Variants in EIPR1 observed in about 807,000 individuals in gnomAD.
The protein encoded by EIPR1 is EARP complex and GARP complex interacting protein 1, also known as EARP and GARP complex-interacting protein 1.
EIPR1 carries 25 observed loss-of-function variants against 48.1 expected under a neutral mutation model. The ratio of observed to expected loss-of-function variants is 0.52; its 90% CI spans 0.38 to 0.73. The LOEUF (loss-of-function observed/expected upper bound fraction) is 0.73. Among genes scored for constraint, EIPR1 ranks in the 30% least tolerant of loss-of-function variants. EIPR1 has a pLI of 0.00. For synonymous variants in EIPR1, 204 were observed against 201.9 expected (o/e 1.01, Z -0.09); for missense variants, 415 against 506.2 (o/e 0.82, Z 1.73).
intron 3 of EIPR1, among the ~76,000 whole-genome samples, chr2:3,328,248 A>G (rs2103335233): frequency 6.6e-6 from 1 of 152,304 alleles, no homozygotes; most frequent in Non-Finnish European, 1.5e-5. Flanking sequence ...ATCCCTCTCT[A>G]AGGACCATTT....
At chr2:3,317,832 C>T (rs1369800323) in intron 3 of EIPR1, among the ~76,000 whole-genome samples, 2 of 152,164 alleles carry the variant, frequency 1.3e-5, no homozygotes, top group East Asian at 1.9e-4. Context: ...GAGAAGGGAC[C>T]GATGGCAGGC....
intron 4 of EIPR1, among the ~76,000 whole-genome samples, chr2:3,234,990 C>G (rs573499448): frequency 7.9e-5 from 12 of 152,366 alleles, no homozygotes; most frequent in African/African-American, 2.9e-4. Context: ...AAGAAAATAG[C>G]TTTCTCTTTC....
chr2:3,210,560 C>T (rs376204157), intron 5 of EIPR1, among the ~76,000 whole-genome samples: 2 of 151,604 alleles, frequency 1.3e-5, no homozygotes, highest in African/African-American at 2.4e-5. Flanking sequence ...GCAGGCGAGT[C>T]GAGGAGGTCC....
At chr2:3,295,031 C>A (rs1398332604) in intron 3 of EIPR1, among the ~76,000 whole-genome samples, 1 of 138,042 alleles carries the variant, frequency 7.2e-6, no homozygotes, top group African/African-American at 2.7e-5. Context: ...TCTCTGCACA[C>A]ATACACCCTC....
At chr2:3,215,299 C>G (rs1231566113) in intron 4 of EIPR1, among the ~76,000 whole-genome samples, 1 of 152,166 alleles carries the variant, frequency 6.6e-6, no homozygotes, top group African/African-American at 2.4e-5. Flanking sequence ...GTAGCAATCT[C>G]CTTAGGCACT....
At chr2:3,277,725 C>T (rs983135527) in intron 3 of EIPR1, among the ~76,000 whole-genome samples, 13 of 152,358 alleles carry the variant, frequency 8.5e-5, no homozygotes, top group Non-Finnish European at 1.3e-4. Flanking sequence ...TGCAGTCGGC[C>T]GTATCTCAGC....
intron 1 of EIPR1, among the ~76,000 whole-genome samples, chr2:3,358,010 G>A (rs1458220197): frequency 6.6e-6 from 1 of 152,116 alleles, no homozygotes; most frequent in African/African-American, 2.4e-5. Flanking sequence ...CTACGTTTAT[G>A]GGAATTTGTT....
rs897803196 is a variant in EIPR1, at chr2:3,216,001, C to T, written c.417-1753G>A. Among the ~76,000 whole-genome samples the T allele has an allele frequency of 1.4e-4, 22 of 152,332 alleles. No homozygotes were observed. The South Asian group carries it at 4.6e-3, about 32-fold the overall frequency. On this transcript the variant is annotated intron_variant, in intron 4 of 8. Transcript: ENST00000382125. ...TAAAGCTAGGATGCTGAAAAACCTG[C>T]TCCAAAACCCACTGCTCCTGTCCAG...
In EIPR1 at chr2:3,342,009, A is replaced by T. The variant is rs547635797; in HGVS notation, c.127-3860T>A. ...TAAGTGATGGCAACCAATACAGGGA[A>T]TTCTATGATAGAATTGATCCGGATT... On this transcript the variant is annotated intron_variant, in intron 2 of 8. Transcript: ENST00000382125. 1.2e-4 allele frequency among the ~76,000 whole-genome samples: 18 copies of T among 152,288 alleles called. 1 individual carries two copies. The South Asian group carries it at 3.3e-3, about 28-fold the overall frequency.
intron 3 of EIPR1, among the ~76,000 whole-genome samples, chr2:3,299,126 G>A (rs1668685207): frequency 6.6e-6 from 1 of 152,344 alleles, no homozygotes; most frequent in Non-Finnish European, 1.5e-5. Flanking sequence ...GAGATGACCA[G>A]GGTGAGTTCT....
chr2:3,373,981 C>T (rs1659785213), intron 1 of EIPR1, among the ~76,000 whole-genome samples: 1 of 148,178 alleles, frequency 6.7e-6, no homozygotes, highest in Admixed American at 6.8e-5. Context: ...TCAAACTATA[C>T]TACAAGGCTA....
intron 5 of EIPR1, among the ~76,000 whole-genome samples, chr2:3,206,199 T>G (rs1356244134): frequency 1.3e-5 from 2 of 152,130 alleles, no homozygotes; most frequent in Admixed American, 1.3e-4. Flanking sequence ...GCTCTTGTGG[T>G]GGGATACCTG....
At chr2:3,191,911 T>C (rs1166581388) in intron 8 of EIPR1, among the ~76,000 whole-genome samples, 1 of 152,080 alleles carries the variant, frequency 6.6e-6, no homozygotes, top group Non-Finnish European at 1.5e-5. Context: ...TATCTAGAAG[T>C]GAAGTAGGAC....
chr2:3,368,564 C>T (rs916811063), intron 1 of EIPR1, among the ~76,000 whole-genome samples: 3 of 152,234 alleles, frequency 2.0e-5, no homozygotes, highest in African/African-American at 7.2e-5. Context: ...CTGTTCCCAT[C>T]ACAAGGCAAG....
At chr2:3,322,992 C>G (rs970128781) in intron 3 of EIPR1, among the ~76,000 whole-genome samples, 2 of 152,166 alleles carry the variant, frequency 1.3e-5, no homozygotes. Context: ...CGAAAAGCGA[C>G]AAACGTTACG....
chr2:3,351,287 G>C lies in EIPR1; in HGVS notation c.126+3263C>G, dbSNP rs10187862. 3.0e-4 allele frequency among the ~76,000 whole-genome samples: 46 copies of C among 152,082 alleles called. No individual in the cohort carries two copies. In the East Asian group the frequency reaches 4.6e-3, roughly 15 times the overall value. ...AAGTGCTGGGATTACATGCGTGAGCGACCACACCTGGCCTCTTCTTATTTC... is the reference window on the plus strand; with the variant it reads ...AAGTGCTGGGATTACATGCGTGAGCCACCACACCTGGCCTCTTCTTATTTC... On this transcript the variant is annotated intron_variant, in intron 2 of 8. Transcript: ENST00000382125.
chr2:3,369,549 G>C (rs889350892), intron 1 of EIPR1, among the ~76,000 whole-genome samples: 1 of 152,226 alleles, frequency 6.6e-6, no homozygotes, highest in African/African-American at 2.4e-5. Context: ...GCGCTTTTCC[G>C]ACGGGCTTAG....
At chr2:3,317,376 G>A (rs1263255455) in intron 3 of EIPR1, among the ~76,000 whole-genome samples, 3 of 137,818 alleles carry the variant, frequency 2.2e-5, no homozygotes, top group Non-Finnish European at 4.7e-5. Flanking sequence ...CGCACAAGGT[G>A]CTGACCGAGC....
At chr2:3,310,561 G>C (rs1442846045) in intron 3 of EIPR1, among the ~76,000 whole-genome samples, 4 of 147,070 alleles carry the variant, frequency 2.7e-5, no homozygotes, top group African/African-American at 1.0e-4. Flanking sequence ...GCTGAGGCAG[G>C]AGAATGGCGT....
Sources: allele counts gnomAD v4.1 joint callset (sites outside exome capture counted in the v4.1 genomes callset), GRCh38; gene constraint gnomAD v4.1.1; transcripts MANE v1.5; gene names NCBI Gene and HGNC (gene_info 2026-07-23, HGNC 2026-07-21).